Variants in DAAM1 observed in about 807,000 individuals in gnomAD.
DAAM1 encodes disheveled-associated activator of morphogenesis 1.
Under a neutral mutation model 130.0 loss-of-function variants are expected in DAAM1, and 52 were observed. That is an observed-to-expected ratio of 0.40 (90% CI 0.32 to 0.50). DAAM1 has a LOEUF of 0.50. DAAM1 is among the 20% of genes least tolerant of loss of function. The probability of loss-of-function intolerance (pLI) is 0.61; values close to 1 mark genes in which losing one functional copy is unlikely to be tolerated. For missense variants in DAAM1, 1,134 were observed against 1,303.8 expected, an observed-to-expected ratio of 0.87 and a Z score of 2.01; for synonymous variants, 452 against 444.5, an observed-to-expected ratio of 1.02 and a Z score of -0.21.
intron 1 of DAAM1, among the ~76,000 whole-genome samples, chr14:59,232,588 A>G (rs1889144997): frequency 6.6e-6 from 1 of 151,964 alleles, no homozygotes; most frequent in Admixed American, 6.6e-5. Context: ...TTTCAGAGGA[A>G]TATATTGCAT....
At chr14:59,238,315 A>G (rs1889366802) in intron 1 of DAAM1, among the ~76,000 whole-genome samples, 1 of 152,274 alleles carries the variant, frequency 6.6e-6, no homozygotes, top group Admixed American at 6.5e-5. Flanking sequence ...TTTCAAAAAA[A>G]ACGTCTGAGA....
At chr14:59,320,416 CT>C (rs1884961014) in intron 4 of DAAM1, 73 bp from the exon 5 acceptor site, 1 of 1,157,418 alleles carries the variant, frequency 8.6e-7, no homozygotes, top group Non-Finnish European at 1.2e-6. Context: ...GACAAATAAT[CT>C]GTAGGTTTGT....
rs1275144447 is a variant in DAAM1, at chr14:59,329,994, T to C, written c.1373-507T>C. ...TCCATCTGGGGACAAACCCTGGGTC[T>C]GACAGCAGCTCTTCCTCACAGGTGA... On this transcript the variant is annotated intron_variant, in intron 12 of 24. Coordinates refer to ENST00000360909, the MANE Select transcript of DAAM1 (RefSeq NM_001270520.2). Among the ~76,000 whole-genome samples, 6 of 152,244 alleles carry C rather than the reference T, an allele frequency of 3.9e-5. No individual in the cohort carries two copies. The East Asian group carries it at 1.2e-3, about 29-fold the overall frequency.
At chr14:59,213,349 CAA>C (rs35496333) in intron 1 of DAAM1, among the ~76,000 whole-genome samples, 207 of 69,892 alleles carry the variant, frequency 3.0e-3, no homozygotes, top group East Asian at 0.011. Flanking sequence ...CACAGCTTAC[CAA>C]AAAAAAAAAA....
intron 1 of DAAM1, among the ~76,000 whole-genome samples, chr14:59,252,648 CTGGTTAACATATTTCCACCAAACAG>C (rs576838301): frequency 0.063 from 9,542 of 152,178 alleles, 402 homozygotes; most frequent in Non-Finnish European, 0.093. Flanking sequence ...AGAAAGGAAT[CTGGTTAACATATTTCCACCAAACAG>C]TGGTTAACAT....
intron 1 of DAAM1, among the ~76,000 whole-genome samples, chr14:59,200,252 C>A (rs1243279105): frequency 6.6e-6 from 1 of 152,108 alleles, no homozygotes; most frequent in African/African-American, 2.4e-5. Context: ...CTTTGAAGCC[C>A]ATGGCCTGTG....
At chr14:59,365,749 T>A (rs1399092353) in intron 23 of DAAM1, among the ~76,000 whole-genome samples, 1 of 152,126 alleles carries the variant, frequency 6.6e-6, no homozygotes, top group Non-Finnish European at 1.5e-5. Flanking sequence ...AAACACAGCA[T>A]GGTCTAAATA....
chr14:59,221,164 G>T (rs1888759711), intron 1 of DAAM1, among the ~76,000 whole-genome samples: 1 of 152,172 alleles, frequency 6.6e-6, no homozygotes, highest in Admixed American at 6.5e-5. Context: ...CCCTTCTCTG[G>T]AAGTGGAGGT....
rs764490788 is a variant in DAAM1, at chr14:59,360,869, A to AT, written c.2694+14dup. ...CTTGAAAGCAGTAGAGACAGTGAGT[A>AT]TTTTTTTGTTGTTGTTCTAATTCCT... On this transcript the variant is annotated splice_region_variant and intron_variant, in intron 22 of 24. Coordinates refer to ENST00000360909, the MANE Select transcript of DAAM1 (RefSeq NM_001270520.2). 1.9e-6 allele frequency: 3 copies of AT among 1,612,584 alleles called. No individual in the cohort carries two copies. Among genetic ancestry groups the AT allele is most frequent in the South Asian group, 1.1e-5 (1 of 90,910 alleles).
In DAAM1 at chr14:59,340,121, T is replaced by C. The variant is rs2139649318; in HGVS notation, c.2016T>C (p.Val672=). 6.2e-7 allele frequency: 1 copy of C among 1,613,686 alleles called. No homozygotes were observed. The highest frequency in any genetic ancestry group is 2.2e-5 in the East Asian group (1 of 44,868). The change falls in exon 16 of 25, where the codon GTT becomes GTC. Residue 672 remains valine, a synonymous_variant. Coordinates refer to ENST00000360909, the MANE Select transcript of DAAM1 (RefSeq NM_001270520.2). The part of the protein sequence containing the change: ...IDDTLSSKLK[V]KELSVIDGRR... ...ACACTCTGAGTTCCAAACTTAAAGT[T>C]AAAGAGCTTTCGGTGATTGATGGTC...
At chr14:59,293,904 A>T (rs748916960) in intron 3 of DAAM1, among the ~76,000 whole-genome samples, 1 of 152,200 alleles carries the variant, frequency 6.6e-6, no homozygotes, top group Non-Finnish European at 1.5e-5. Context: ...AGAGCCCCAT[A>T]GTGGCCATCG....
chr14:59,239,259 T>C (rs1444386057), intron 1 of DAAM1, among the ~76,000 whole-genome samples: 2 of 152,212 alleles, frequency 1.3e-5, no homozygotes, highest in Non-Finnish European at 2.9e-5. Context: ...TGTGGTTATA[T>C]AAAATAAGTA....
intron 1 of DAAM1, among the ~76,000 whole-genome samples, chr14:59,229,786 G>A (rs1332239766): frequency 1.3e-5 from 2 of 152,210 alleles, no homozygotes; most frequent in Admixed American, 1.3e-4. Context: ...TCTGCTTTTA[G>A]CAAGCCCTCA....
At chr14:59,313,917 A>G (rs1356543323) in intron 3 of DAAM1, among the ~76,000 whole-genome samples, 1 of 152,240 alleles carries the variant, frequency 6.6e-6, no homozygotes, top group Non-Finnish European at 1.5e-5. Flanking sequence ...GGCTTCTTCA[A>G]TCTCCAGATG....
chr14:59,283,090 G>A (rs1174761296), intron 2 of DAAM1, among the ~76,000 whole-genome samples: 1 of 152,088 alleles, frequency 6.6e-6, no homozygotes, highest in Non-Finnish European at 1.5e-5. Flanking sequence ...GAATTTCTAG[G>A]TTTTAGGAAT....
intron 1 of DAAM1, among the ~76,000 whole-genome samples, chr14:59,238,262 T>A (rs1352985969): frequency 1.3e-5 from 2 of 152,174 alleles, no homozygotes; most frequent in Non-Finnish European, 2.9e-5. Flanking sequence ...TCCGCTCCAC[T>A]AAGACCTAGC....
At chr14:59,322,839 G>T (rs1297587844) in intron 5 of DAAM1, 53 bp from the exon 6 acceptor site, 3 of 1,426,318 alleles carry the variant, frequency 2.1e-6, no homozygotes, top group Non-Finnish European at 2.9e-6. Context: ...TCTGTTAGGG[G>T]CTATTATAAA....
In DAAM1 at chr14:59,330,421, CTCAG is replaced by C. The variant is rs1456801306; in HGVS notation, c.1373-76_1373-73del. ...GATCCTCATAATCTCTGCCATCATC[CTCAG>C]TCAATTTTCTTTTAGAGAAAATGCT... On this transcript the variant is annotated intron_variant, in intron 12 of 24. Coordinates refer to ENST00000360909, the MANE Select transcript of DAAM1 (RefSeq NM_001270520.2). 30 of 1,322,126 alleles carry C rather than the reference CTCAG, an allele frequency of 2.3e-5. No homozygotes were observed. In the Admixed American group the frequency reaches 6.3e-4, roughly 28 times the overall value. 81.9% of individuals were successfully genotyped at this position (1,322,126 alleles called of 1,614,324 possible). A position where few individuals can be genotyped will look rare whatever the true frequency, so the allele number is the denominator to read the frequency against.
chr14:59,309,451 G>A (rs1432302546), intron 3 of DAAM1, among the ~76,000 whole-genome samples: 2 of 152,200 alleles, frequency 1.3e-5, no homozygotes, highest in Non-Finnish European at 2.9e-5. Flanking sequence ...GACCAAGTTA[G>A]GATTTTGATG....
Sources: allele counts gnomAD v4.1 joint callset (sites outside exome capture counted in the v4.1 genomes callset), GRCh38; gene constraint gnomAD v4.1.1; transcripts MANE v1.5; gene names NCBI Gene and HGNC (gene_info 2026-07-23, HGNC 2026-07-21).